PDE10A: variants seen among roughly 807,000 people sequenced by gnomAD.
PDE10A encodes cAMP and cAMP-inhibited cGMP 3',5'-cyclic phosphodiesterase 10A.
A neutral mutation model predicts 97.7 loss-of-function variants in PDE10A; 39 were observed. The observed-to-expected ratio is 0.40, with a 90% CI of 0.31 to 0.52. The LOEUF (loss-of-function observed/expected upper bound fraction) is 0.52, where lower values mean the gene tolerates loss of function less well. PDE10A is among the 20% of genes least tolerant of loss of function. PDE10A has a pLI of 0.56. For missense variants in PDE10A, 731 were observed against 1,047.8 expected, an observed-to-expected ratio of 0.70 and a Z score of 4.17; for synonymous variants, 371 against 376.8, an observed-to-expected ratio of 0.98 and a Z score of 0.18.
intron 1 of PDE10A, among the ~76,000 whole-genome samples, chr6:165,598,891 G>A (rs932737336): frequency 2.0e-5 from 3 of 152,118 alleles, no homozygotes; most frequent in African/African-American, 7.2e-5. Context: ...ATGAGGGGAC[G>A]GGGTCAGGAC....
At chr6:165,958,694 G>GAGAAAGAAAGAA (rs5881669) in intron 1 of PDE10A, among the ~76,000 whole-genome samples, 1 of 81,788 alleles carries the variant, frequency 1.2e-5, no homozygotes, top group Non-Finnish European at 2.8e-5. Context: ...AAGAAAGAAA[G>GAGAAAGAAAGAA]AGAAAGAAAG....
chr6:165,375,399 C>A (rs1784552271), intron 18 of PDE10A, among the ~76,000 whole-genome samples: 1 of 152,178 alleles, frequency 6.6e-6, no homozygotes, highest in African/African-American at 2.4e-5. Flanking sequence ...AAGCCAAAAG[C>A]TAATCCAGAG....
intron 7 of PDE10A, among the ~76,000 whole-genome samples, chr6:165,432,003 G>A (rs1789610071): frequency 6.6e-6 from 1 of 152,032 alleles, no homozygotes; most frequent in Admixed American, 6.6e-5. Flanking sequence ...AAGCTAACAA[G>A]TTCCTCAAAA....
intron 1 of PDE10A, among the ~76,000 whole-genome samples, chr6:165,853,593 T>C (rs1476286881): frequency 6.6e-6 from 1 of 152,204 alleles, no homozygotes; most frequent in Non-Finnish European, 1.5e-5. Context: ...GGAATCACCT[T>C]GTGCCACTAA....
chr6:165,911,564 G>A (rs1782454605), intron 1 of PDE10A, among the ~76,000 whole-genome samples: 1 of 152,224 alleles, frequency 6.6e-6, no homozygotes. Flanking sequence ...TGTCTCTGGG[G>A]CGGCCACTAA....
chr6:165,487,825 G>C (rs781419435), intron 2 of PDE10A, among the ~76,000 whole-genome samples: 1 of 152,080 alleles, frequency 6.6e-6, no homozygotes, highest in Non-Finnish European at 1.5e-5. Flanking sequence ...GATCTTACAG[G>C]AATTTCAGGT....
At chr6:165,838,011 G>C (rs921149569) in intron 1 of PDE10A, among the ~76,000 whole-genome samples, 9 of 152,144 alleles carry the variant, frequency 5.9e-5, no homozygotes, top group African/African-American at 2.2e-4. Context: ...TGCCTTGCTA[G>C]TAACTCAGGA....
chr6:165,432,866 T>C lies in PDE10A; in HGVS notation c.1491+108A>G, dbSNP rs796630366. 3.9e-5 allele frequency: 29 copies of C among 749,944 alleles called. No homozygotes were observed. The African/African-American group carries it at 4.9e-4, about 13-fold the overall frequency. 46.5% of individuals were successfully genotyped at this position (749,944 alleles called of 1,614,324 possible). ...CTGTTAAGCAAATTGTGATTTTAAA[T>C]ATTAATTCATGTATTTTCAGTTTAG... On this transcript the variant is annotated intron_variant, in intron 7 of 21. Coordinates refer to ENST00000539869, the MANE Select transcript of PDE10A (RefSeq NM_001385079.1).
intron 1 of PDE10A, among the ~76,000 whole-genome samples, chr6:165,650,857 C>T (rs1337900788): frequency 6.6e-6 from 1 of 152,070 alleles, no homozygotes; most frequent in African/African-American, 2.4e-5. Flanking sequence ...CCTGCCTCAG[C>T]CTCCCCAGTA....
At chr6:165,508,294 T>G (rs1161523705) in intron 2 of PDE10A, among the ~76,000 whole-genome samples, 1 of 152,060 alleles carries the variant, frequency 6.6e-6, no homozygotes, top group Non-Finnish European at 1.5e-5. Context: ...CCTAGAGTGT[T>G]GTATAAACAG....
intron 1 of PDE10A, among the ~76,000 whole-genome samples, chr6:165,751,410 A>G (rs1792997217): frequency 6.6e-6 from 1 of 152,152 alleles, no homozygotes; most frequent in South Asian, 2.1e-4. Context: ...TGAGGGCAGC[A>G]AAAGTGAAGG....
At chr6:165,621,721 A>G (rs1226447923) in intron 1 of PDE10A, among the ~76,000 whole-genome samples, 1 of 151,198 alleles carries the variant, frequency 6.6e-6, no homozygotes, top group Non-Finnish European at 1.5e-5. Flanking sequence ...GCGCCACTGA[A>G]CTCCAGCCCT....
At chr6:165,620,963 G>C (rs1419331095) in intron 1 of PDE10A, among the ~76,000 whole-genome samples, 1 of 151,176 alleles carries the variant, frequency 6.6e-6, no homozygotes, top group Non-Finnish European at 1.5e-5. Flanking sequence ...AGAGGTTGCG[G>C]TGAGCCGAGA....
At chr6:165,783,942 G>A (rs150541670) in intron 1 of PDE10A, among the ~76,000 whole-genome samples, 124 of 152,248 alleles carry the variant, frequency 8.1e-4, no homozygotes, top group Middle Eastern at 6.8e-3. Flanking sequence ...TGCCTTGGCC[G>A]GGCGCGGTGG....
chr6:165,957,233 C>G (rs1048672603), intron 1 of PDE10A, among the ~76,000 whole-genome samples: 3 of 152,166 alleles, frequency 2.0e-5, no homozygotes, highest in African/African-American at 7.2e-5. Context: ...ATAATTCCAG[C>G]ACTTTGGAAG....
At chr6:165,687,858 A>G (rs1791164368) in intron 1 of PDE10A, among the ~76,000 whole-genome samples, 1 of 152,212 alleles carries the variant, frequency 6.6e-6, no homozygotes, top group South Asian at 2.1e-4. Context: ...ATCTTCAAAC[A>G]GCCTGGTGAG....
chr6:165,471,728 T>C (rs192696305), intron 3 of PDE10A, among the ~76,000 whole-genome samples: 2 of 152,280 alleles, frequency 1.3e-5, no homozygotes, highest in Admixed American at 1.3e-4. Flanking sequence ...TCAAAATAAA[T>C]GCAGAATTCT....
chr6:165,497,868 A>G lies in PDE10A; in HGVS notation c.995-15525T>C, dbSNP rs117426259. Among the ~76,000 whole-genome samples, 253 of 152,348 alleles carry G rather than the reference A, an allele frequency of 1.7e-3. No homozygotes were observed. In the East Asian group the frequency reaches 0.043, roughly 26 times the overall value. Reference sequence around the variant, plus strand: ...ATGATCATGACAGAAGAAACAAATAAATGTAAACTCTGTCGACATTTGAGG... The same window carrying G: ...ATGATCATGACAGAAGAAACAAATAGATGTAAACTCTGTCGACATTTGAGG... On this transcript the variant is annotated intron_variant, in intron 2 of 21. Transcript: ENST00000539869.
chr6:165,851,932 T>C (rs1234582794), intron 1 of PDE10A, among the ~76,000 whole-genome samples: 1 of 152,020 alleles, frequency 6.6e-6, no homozygotes, highest in Non-Finnish European at 1.5e-5. Flanking sequence ...CTCTAAAAAA[T>C]TAAAGCTATA....
Sources: gnomAD v4.1 joint callset for allele counts (sites outside exome capture counted in the v4.1 genomes callset) on GRCh38, gnomAD v4.1.1 for gene constraint, MANE v1.5 for transcripts, NCBI Gene and HGNC (gene_info 2026-07-23, HGNC 2026-07-21) for gene names.